Variants in ZFYVE28 observed in about 807,000 individuals in gnomAD.
ZFYVE28 encodes zinc finger FYVE-type containing 28.
ZFYVE28 carries 40 observed loss-of-function variants against 82.1 expected under a neutral mutation model. That is an observed-to-expected ratio of 0.49 (90% CI 0.38 to 0.63). The LOEUF (loss-of-function observed/expected upper bound fraction) is 0.63, where lower values mean the gene tolerates loss of function less well. Ranked by LOEUF, ZFYVE28 falls within the 30% of genes least tolerant of loss-of-function variation. ZFYVE28 has a pLI of 0.00. For missense variants in ZFYVE28, 1,321 were observed against 1,242.1 expected, an observed-to-expected ratio of 1.06 and a Z score of -0.96; for synonymous variants, 612 against 546.1, an observed-to-expected ratio of 1.12 and a Z score of -1.68.
At chr4:2,314,691 A>G (rs545510491) in intron 7 of ZFYVE28, among the ~76,000 whole-genome samples, 1 of 152,186 alleles carries the variant, frequency 6.6e-6, no homozygotes, top group Admixed American at 6.5e-5. Flanking sequence ...GAATTTTAGT[A>G]CTATGTACAA....
At chr4:2,353,675 C>T (rs1418317062) in intron 2 of ZFYVE28, among the ~76,000 whole-genome samples, 1 of 152,156 alleles carries the variant, frequency 6.6e-6, no homozygotes, top group Admixed American at 6.5e-5. Flanking sequence ...AGCCTGCTCA[C>T]TCCGCACCCC....
rs992310893 is a variant in ZFYVE28, at chr4:2,394,777, C to T, written c.39+23508G>A. Among the ~76,000 whole-genome samples the T allele has an allele frequency of 5.9e-5, 9 of 152,348 alleles. No individual in the cohort carries two copies. Among genetic ancestry groups the T allele is most frequent in the East Asian group, 3.9e-4 (2 of 5,186 alleles). On this transcript the variant is annotated intron_variant, in intron 1 of 12. Coordinates refer to ENST00000290974, the MANE Select transcript of ZFYVE28 (RefSeq NM_020972.3). This position sits in a 1 kb window ranked among gnomAD's most constrained non-coding sequence, Gnocchi z 4.0. ...GTGCGTGCTTCCATTACACTGTCGG[C>T]GGTCAGAGGCGTCCTCGTCCTTGCA...
At chr4:2,337,948 T>C (rs1722118204) in intron 4 of ZFYVE28, among the ~76,000 whole-genome samples, 1 of 152,134 alleles carries the variant, frequency 6.6e-6, no homozygotes, top group South Asian at 2.1e-4. Context: ...CAGCCAGGCC[T>C]ACCCCAGGCC....
At chr4:2,378,641 C>A (rs1728409096) in intron 1 of ZFYVE28, among the ~76,000 whole-genome samples, 1 of 152,180 alleles carries the variant, frequency 6.6e-6, no homozygotes, top group South Asian at 2.1e-4. Context: ...CCGGCTGGGG[C>A]TGGTCCTCCT....
At position 2,339,895 on chromosome 4, in the gene ZFYVE28, G is replaced by A. The variant is rs1722500577; in HGVS notation, c.319-240C>T. Among the ~76,000 whole-genome samples the A allele has an allele frequency of 6.6e-6, 1 of 151,170 alleles. No individual in the cohort carries two copies. The highest frequency in any genetic ancestry group is 6.6e-5 in the Admixed American group (1 of 15,200). The stretch of plus-strand genomic sequence containing the variant: ...CTCACAGGGCCCCAGGAGCAGGGAG[G>A]GCAGGGCATGGCAGGGCAGGTAAGG... On this transcript the variant is annotated intron_variant, in intron 3 of 12. Transcript: ENST00000290974. The surrounding 1 kb of genome is among the most constrained non-coding windows in gnomAD (Gnocchi z 5.0).
chr4:2,367,068 G>A (rs1223231088), intron 1 of ZFYVE28, among the ~76,000 whole-genome samples: 1 of 152,160 alleles, frequency 6.6e-6, no homozygotes, highest in Non-Finnish European at 1.5e-5. Flanking sequence ...TTTAACCACG[G>A]TAGCTGCAGT....
At chr4:2,301,249 G>T in intron 8 of ZFYVE28, among the ~76,000 whole-genome samples, 1 of 152,218 alleles carries the variant, frequency 6.6e-6, no homozygotes, top group Non-Finnish European at 1.5e-5. Context: ...AGACACAGAT[G>T]AGTGGGGGAA....
Position 2,362,409 on chromosome 4 carries a change from T to C in ZFYVE28, c.40-8336A>G, listed in dbSNP as rs1174647014. On this transcript the variant is annotated intron_variant, in intron 1 of 12. Coordinates refer to ENST00000290974, the MANE Select transcript of ZFYVE28 (RefSeq NM_020972.3). The surrounding 1 kb of genome is among the most constrained non-coding windows in gnomAD (Gnocchi z 5.1). The stretch of plus-strand genomic sequence containing the variant: ...CTGTGACCCCCACAGCAGCTGTTCC[T>C]CAGCCCTCACCATGACCAACTAATG... 3.3e-5 allele frequency among the ~76,000 whole-genome samples: 5 copies of C among 152,192 alleles called. No individual in the cohort carries two copies. The East Asian group carries it at 9.7e-4, about 29-fold the overall frequency.
At position 2,417,095 on chromosome 4, in the gene ZFYVE28, G is replaced by A. The variant is rs2108696283; in HGVS notation, c.39+1190C>T. Among the ~76,000 whole-genome samples, 1 of 152,360 alleles carries A rather than the reference G, an allele frequency of 6.6e-6. No individual in the cohort carries two copies. Among genetic ancestry groups the A allele is most frequent in the Non-Finnish European group, 1.5e-5 (1 of 68,038 alleles). On this transcript the variant is annotated intron_variant, in intron 1 of 12. Coordinates refer to ENST00000290974, the MANE Select transcript of ZFYVE28 (RefSeq NM_020972.3). The surrounding 1 kb of genome is among the most constrained non-coding windows in gnomAD (Gnocchi z 4.8). ...CCTGGGACGCTGGACGGAGAAAGGC[G>A]GCCAGTGGAGGGAGGAGGGGTAGGT...
chr4:2,320,115 C>T lies in ZFYVE28; in HGVS notation c.803+55G>A, dbSNP rs969561507. On this transcript the variant is annotated intron_variant, in intron 7 of 12. Coordinates refer to ENST00000290974, the MANE Select transcript of ZFYVE28 (RefSeq NM_020972.3). This position sits in a 1 kb window ranked among gnomAD's most constrained non-coding sequence, Gnocchi z 5.1. Reference sequence around the variant, plus strand: ...CGGCTAAACATGACTTCAGCGCCCACCTGTGGCCCTCCTGTCCCCCTCCCC... The same window carrying T: ...CGGCTAAACATGACTTCAGCGCCCATCTGTGGCCCTCCTGTCCCCCTCCCC... The T allele has an allele frequency of 2.3e-5, 36 of 1,561,738 alleles. No homozygotes were observed. The African/African-American group carries it at 3.5e-4, about 15-fold the overall frequency.
intron 6 of ZFYVE28, among the ~76,000 whole-genome samples, chr4:2,325,424 C>T (rs1442957853): frequency 6.6e-6 from 1 of 151,684 alleles, no homozygotes; most frequent in Non-Finnish European, 1.5e-5. Context: ...TGAAAAATCA[C>T]TCTAACCTAT....
intron 8 of ZFYVE28, among the ~76,000 whole-genome samples, chr4:2,303,622 G>T (rs1342836950): frequency 1.3e-5 from 2 of 152,090 alleles, no homozygotes; most frequent in Admixed American, 6.5e-5. Context: ...TTCCCTCCCT[G>T]TCTCCAGAGT....
In ZFYVE28 at chr4:2,346,186, C is replaced by CA. The variant is rs1292181022; in HGVS notation, c.181-4572dup. 5.8e-3 allele frequency among the ~76,000 whole-genome samples: 771 copies of CA among 132,162 alleles called. 3 individuals are homozygous for CA. The highest frequency in any genetic ancestry group is 0.011 in the South Asian group (44 of 4,160). The allele number at this position is 132,162 out of a possible 152,430, so 86.7% of individuals were successfully genotyped here. On this transcript the variant is annotated intron_variant, in intron 2 of 12. Coordinates refer to ENST00000290974, the MANE Select transcript of ZFYVE28 (RefSeq NM_020972.3). Reference sequence around the variant, plus strand: ...TACTAAAAAAAAAAAAAAAAAAATACAAAAAATTAGCCGGGCGTGGTGGTG... The same window carrying CA: ...TACTAAAAAAAAAAAAAAAAAAATACAAAAAAATTAGCCGGGCGTGGTGGTG...
chr4:2,400,759 T>G (rs1731089443), intron 1 of ZFYVE28, among the ~76,000 whole-genome samples: 1 of 152,136 alleles, frequency 6.6e-6, no homozygotes, highest in Non-Finnish European at 1.5e-5. Flanking sequence ...TTCACGTTCT[T>G]CTGCCTGCTT....
At chr4:2,274,518 G>C (rs1736220681) in intron 8 of ZFYVE28, among the ~76,000 whole-genome samples, 1 of 152,048 alleles carries the variant, frequency 6.6e-6, no homozygotes, top group Non-Finnish European at 1.5e-5. Flanking sequence ...TGTACTCCTG[G>C]CTTAATATCG....
At chr4:2,276,382 T>C (rs1450907767) in intron 8 of ZFYVE28, among the ~76,000 whole-genome samples, 1 of 152,188 alleles carries the variant, frequency 6.6e-6, no homozygotes, top group Non-Finnish European at 1.5e-5. Flanking sequence ...GGTGTGGGCC[T>C]TGCTGCCCTC....
intron 1 of ZFYVE28, among the ~76,000 whole-genome samples, chr4:2,380,796 A>T (rs1245261384): frequency 6.6e-6 from 1 of 152,182 alleles, no homozygotes; most frequent in Admixed American, 6.5e-5. Context: ...GCCATGTAAG[A>T]AGTGCCTTTT....
chr4:2,359,514 A>G (rs976734665), intron 1 of ZFYVE28, among the ~76,000 whole-genome samples: 1 of 152,162 alleles, frequency 6.6e-6, no homozygotes, highest in African/African-American at 2.4e-5. Flanking sequence ...CCTTATAAGA[A>G]GAGGAAATAT....
intron 1 of ZFYVE28, among the ~76,000 whole-genome samples, chr4:2,399,229 G>A (rs971182898): frequency 2.0e-5 from 3 of 151,740 alleles, no homozygotes; most frequent in African/African-American, 4.8e-5. Context: ...AGTGCACAAT[G>A]TGGGGGGTTG....
Sources: allele counts gnomAD v4.1 joint callset (sites outside exome capture counted in the v4.1 genomes callset), GRCh38; gene constraint gnomAD v4.1.1; non-coding constraint Gnocchi (gnomAD v3.1); transcripts MANE v1.5; gene names NCBI Gene and HGNC (gene_info 2026-07-23, HGNC 2026-07-21).